FAM83F: variants seen among roughly 807,000 people sequenced by gnomAD.
FAM83F encodes protein FAM83F.
In FAM83F, 45 loss-of-function variants were observed where a neutral mutation model predicts 42.9. The observed-to-expected ratio is 1.05, with a 90% CI of 0.83 to 1.35. The LOEUF (loss-of-function observed/expected upper bound fraction) is 1.35, where lower values mean the gene tolerates loss of function less well. FAM83F is among the 40% of genes most tolerant of loss of function. The probability of loss-of-function intolerance (pLI) is 0.00; values close to 1 mark genes in which losing one functional copy is unlikely to be tolerated. For synonymous variants in FAM83F, 306 were observed against 298.3 expected (o/e 1.03, Z -0.27); for missense variants, 617 against 695.9 (o/e 0.89, Z 1.28).
chr22:40,022,007 G>T, intron 4 of FAM83F, 44 bp downstream of exon 4: 1 of 1,485,282 alleles, frequency 6.7e-7, no homozygotes, highest in African/African-American at 1.4e-5. Context: ...CAGGCCTCTG[G>T]CCCTCGCCCC....
At chr22:40,016,906 C>T (rs545663678) in intron 1 of FAM83F, among the ~76,000 whole-genome samples, 34 of 152,180 alleles carry the variant, frequency 2.2e-4, no homozygotes, top group African/African-American at 5.3e-4. Context: ...TCAAGTGATC[C>T]GCCCACCTCA....
Position 40,040,267 on chromosome 22 carries a change from G to A in FAM83F, c.*10702G>A, listed in dbSNP as rs544262198. ...AGAGGCAATATAGCAGCGTGGACAA[G>A]AGCTTACTCGTTGGAGTCAGACCGC... On this transcript the variant is annotated 3_prime_UTR_variant, in exon 5 of 5. Coordinates refer to ENST00000333407, the MANE Select transcript of FAM83F (RefSeq NM_138435.4). The A allele has an allele frequency of 6.6e-6, 1 of 152,202 alleles. No individual in the cohort carries two copies. The highest frequency in any genetic ancestry group is 1.5e-5 in the Non-Finnish European group (1 of 68,026). The allele number at this position is 152,202 out of a possible 1,614,324, so 9.4% of individuals were successfully genotyped here. A position where few individuals can be genotyped will look rare whatever the true frequency, so the allele number is the denominator to read the frequency against.
At position 40,013,082 on chromosome 22, in the gene FAM83F, CAAAAAAAAAAA is replaced by C. The variant is rs754625979; in HGVS notation, c.490-6071_490-6061del. The stretch of plus-strand genomic sequence containing the variant: ...TGGGCGACAGAGCGAGACTCCGTTT[CAAAAAAAAAAA>C]AAAAAAAAAAAAAAGACTGCTCCTT... On this transcript the variant is annotated intron_variant, in intron 1 of 4. Transcript: ENST00000333407. Among the ~76,000 whole-genome samples the C allele has an allele frequency of 1.3e-3, 60 of 46,408 alleles. 2 individuals are homozygous for C. The highest frequency in any genetic ancestry group is 0.019 in the Middle Eastern group (1 of 52). 30.4% of individuals were successfully genotyped at this position (46,408 alleles called of 152,430 possible).
In FAM83F at chr22:40,039,174, T is replaced by G. The variant is rs1182886051; in HGVS notation, c.*9609T>G. 1 of 152,304 alleles carries G rather than the reference T, an allele frequency of 6.6e-6. No homozygotes were observed. Among genetic ancestry groups the G allele is most frequent in the Non-Finnish European group, 1.5e-5 (1 of 68,126 alleles). The allele number at this position is 152,304 out of a possible 1,614,324, so 9.4% of individuals were successfully genotyped here. A position where few individuals can be genotyped will look rare whatever the true frequency, so the allele number is the denominator to read the frequency against. On this transcript the variant is annotated 3_prime_UTR_variant, in exon 5 of 5. Coordinates refer to ENST00000333407, the MANE Select transcript of FAM83F (RefSeq NM_138435.4). The stretch of plus-strand genomic sequence containing the variant: ...CAGGCTTGAGTGCAGTGGCGCGATC[T>G]CAGCTCACTGCAACCTCCACCTCCC...
chr22:40,034,710 G>A lies in FAM83F; in HGVS notation c.*5145G>A, dbSNP rs1438690251. On this transcript the variant is annotated 3_prime_UTR_variant, in exon 5 of 5. Transcript: ENST00000333407. ...AGACTTGACTGCCATTCAGTACAGA[G>A]AATTAGCCAGGTGAATAAACAGGAT... The A allele has an allele frequency of 6.6e-6, 1 of 152,226 alleles. No homozygotes were observed. The highest frequency in any genetic ancestry group is 2.4e-5 in the African/African-American group (1 of 41,464). 9.4% of individuals were successfully genotyped at this position (152,226 alleles called of 1,614,324 possible). A position where few individuals can be genotyped will look rare whatever the true frequency, so the allele number is the denominator to read the frequency against.
intron 1 of FAM83F, among the ~76,000 whole-genome samples, chr22:40,010,287 C>T (rs1056103385): frequency 5.9e-5 from 9 of 152,294 alleles, no homozygotes; most frequent in Middle Eastern, 3.4e-3. Context: ...GAATCACGTG[C>T]TCAGTGAAAG....
intron 4 of FAM83F, among the ~76,000 whole-genome samples, chr22:40,026,541 C>A (rs8140410): frequency 0.013 from 1,958 of 148,132 alleles, 38 homozygotes; most frequent in African/African-American, 0.049. Context: ...CAAAACAAAA[C>A]AAAAAACTGT....
chr22:40,033,679 C>T lies in FAM83F; in HGVS notation c.*4114C>T, dbSNP rs867999978. On this transcript the variant is annotated 3_prime_UTR_variant, in exon 5 of 5. Coordinates refer to ENST00000333407, the MANE Select transcript of FAM83F (RefSeq NM_138435.4). ...GTCCCCTGGGGGGTAAAAGTGCCCC[C>T]GTTGAGAGCACTGGCTCTTTTCTTC... The T allele has an allele frequency of 2.6e-5, 4 of 152,244 alleles. No individual in the cohort carries two copies. Among genetic ancestry groups the T allele is most frequent in the Admixed American group, 6.5e-5 (1 of 15,282 alleles). The allele number at this position is 152,244 out of a possible 1,614,324, so 9.4% of individuals were successfully genotyped here. A position where few individuals can be genotyped will look rare whatever the true frequency, so the allele number is the denominator to read the frequency against.
rs961894099 is a variant in FAM83F, at chr22:40,041,855, T to G, written c.*12290T>G. ...TATTAAATATTGAGTTAATATTATA[T>G]TTACTCAATGTTACTTTTTTTTTTT... On this transcript the variant is annotated 3_prime_UTR_variant, in exon 5 of 5. Coordinates refer to ENST00000333407, the MANE Select transcript of FAM83F (RefSeq NM_138435.4). The G allele has an allele frequency of 1.3e-5, 2 of 152,216 alleles. No individual in the cohort carries two copies. The highest frequency in any genetic ancestry group is 2.9e-5 in the Non-Finnish European group (2 of 68,074). The allele number at this position is 152,216 out of a possible 1,614,324, so 9.4% of individuals were successfully genotyped here. A position where few individuals can be genotyped will look rare whatever the true frequency, so the allele number is the denominator to read the frequency against.
chr22:40,020,972 C>A (rs2067516594), intron 3 of FAM83F, among the ~76,000 whole-genome samples: 1 of 152,218 alleles, frequency 6.6e-6, no homozygotes, highest in Non-Finnish European at 1.5e-5. Flanking sequence ...TCATTTGTGC[C>A]TCACAACAAC....
chr22:40,013,105 A>AAAAAAAAAAAC, intron 1 of FAM83F, among the ~76,000 whole-genome samples: 1 of 151,200 alleles, frequency 6.6e-6, no homozygotes, highest in Non-Finnish European at 1.5e-5. Flanking sequence ...AAAAAAAAAA[A>AAAAAAAAAAAC]AAGACTGCTC....
At chr22:40,026,641 C>T (rs552836751) in intron 4 of FAM83F, among the ~76,000 whole-genome samples, 395 of 152,286 alleles carry the variant, frequency 2.6e-3, no homozygotes, top group Non-Finnish European at 4.3e-3. Flanking sequence ...AACTTGCTTC[C>T]CAGAGTGCCT....
chr22:40,029,348 T>G (rs890872383), intron 4 of FAM83F, among the ~76,000 whole-genome samples, 168 bp from the exon 5 acceptor site: 22 of 152,060 alleles, frequency 1.4e-4, no homozygotes, highest in African/African-American at 5.3e-4. Context: ...CCCTTCTACT[T>G]TCCCGGGTGC....
intron 1 of FAM83F, among the ~76,000 whole-genome samples, chr22:40,003,811 G>A (rs1450003347): frequency 1.3e-5 from 2 of 152,140 alleles, no homozygotes; most frequent in African/African-American, 2.4e-5. Context: ...ACATATGCAC[G>A]CCGGGGCACA....
At chr22:40,002,531 G>A (rs1003125989) in intron 1 of FAM83F, among the ~76,000 whole-genome samples, 4 of 152,156 alleles carry the variant, frequency 2.6e-5, no homozygotes, top group African/African-American at 9.7e-5. Flanking sequence ...AGTTCTGTTG[G>A]GTGGAGGTCT....
chr22:40,007,413 C>A, intron 1 of FAM83F, among the ~76,000 whole-genome samples: 1 of 45,716 alleles, frequency 2.2e-5, no homozygotes, highest in East Asian at 6.7e-4. Flanking sequence ...TCCTCTTCCT[C>A]CTGTCCTCCT....
At chr22:40,015,906 C>T (rs1026704988) in intron 1 of FAM83F, among the ~76,000 whole-genome samples, 15 of 152,200 alleles carry the variant, frequency 9.9e-5, no homozygotes, top group Non-Finnish European at 2.9e-5. Context: ...TCTTTAGGTC[C>T]TCTCTCTGCC....
intron 4 of FAM83F, 49 bp from the exon 5 acceptor site, chr22:40,029,467 C>A: frequency 6.3e-7 from 1 of 1,579,448 alleles, no homozygotes. Context: ...CTGAATCCAC[C>A]AAGCGTTTCA....
At chr22:40,029,064 C>T (rs921940796) in intron 4 of FAM83F, among the ~76,000 whole-genome samples, 3 of 145,284 alleles carry the variant, frequency 2.1e-5, no homozygotes, top group African/African-American at 7.8e-5. Flanking sequence ...TGGTAGTGAG[C>T]GGCCTCTTGG....
Sources: gnomAD v4.1 joint callset for allele counts (sites outside exome capture counted in the v4.1 genomes callset) on GRCh38, gnomAD v4.1.1 for gene constraint, MANE v1.5 for transcripts, NCBI Gene and HGNC (gene_info 2026-07-23, HGNC 2026-07-21) for gene names.